Variants in C16orf96 observed in about 807,000 individuals in gnomAD.
C16orf96 encodes the protein uncharacterized protein C16orf96.
In C16orf96, 108 loss-of-function variants were observed where a neutral mutation model predicts 103.6. The observed-to-expected ratio is 1.04, with a 90% CI of 0.89 to 1.22. The LOEUF (loss-of-function observed/expected upper bound fraction) is 1.22. Ranked by LOEUF, C16orf96 falls within the 50% of genes most tolerant of loss-of-function variation. The pLI is 0.00. For synonymous variants in C16orf96, 566 were observed against 593.5 expected, an observed-to-expected ratio of 0.95 and a Z score of 0.67; for missense variants, 1,586 against 1,464.2, an observed-to-expected ratio of 1.08 and a Z score of -1.36.
Position 4,575,009 on chromosome 16 carries a change from C to T in C16orf96, c.644C>T (p.Thr215Ile). Residue 215 changes from threonine (T) to isoleucine (I), a missense_variant, in exon 4 of 16, where the codon ACC becomes ATC. Coordinates refer to ENST00000444310, the MANE Select transcript of C16orf96 (RefSeq NM_001145011.2). ...AATAAGTTTAAAACCATCCCCAAAA[C>T]CGAGGACATGGTGCTCTGGAGTGGC... ...LQNKFKTIPK[T>I]EDMVLWSGLH... 1.3e-6 allele frequency: 2 copies of T among 1,551,512 alleles called. No homozygotes were observed. The highest frequency in any genetic ancestry group is 1.7e-6 in the Non-Finnish European group (2 of 1,147,012).
intron 14 of C16orf96, among the ~76,000 whole-genome samples, chr16:4,598,346 G>A (rs1355400088): frequency 7.4e-6 from 1 of 134,234 alleles, no homozygotes; most frequent in African/African-American, 2.5e-5. Flanking sequence ...ATGAGACTTG[G>A]TCTCAAACAA....
chr16:4,587,330 C>G (rs561980875), intron 8 of C16orf96, among the ~76,000 whole-genome samples: 1 of 152,100 alleles, frequency 6.6e-6, no homozygotes, highest in African/African-American at 2.4e-5. Context: ...TCGAGACCAG[C>G]CTGCCTGGCC....
chr16:4,579,205 G>GC (rs1165861841), intron 6 of C16orf96, among the ~76,000 whole-genome samples, 180 bp downstream of exon 6: 3 of 2,448 alleles, frequency 1.2e-3, no homozygotes, highest in African/African-American at 1.3e-3. Context: ...CTGGTGCGGT[G>GC]GGGGGGCCCA....
At chr16:4,592,941 C>T (rs1897092225) in intron 11 of C16orf96, among the ~76,000 whole-genome samples, 1 of 152,232 alleles carries the variant, frequency 6.6e-6, no homozygotes, top group Non-Finnish European at 1.5e-5. Flanking sequence ...TCCCAAAGTG[C>T]TGGGATCATA....
At chr16:4,595,238 C>A (rs188478967) in intron 14 of C16orf96, among the ~76,000 whole-genome samples, 1 of 152,232 alleles carries the variant, frequency 6.6e-6, no homozygotes, top group East Asian at 1.9e-4. Flanking sequence ...ACGGTGGGTG[C>A]AAAGGCCCTG....
At position 4,575,834 on chromosome 16, in the gene C16orf96, G is replaced by C. The variant is rs573127060; in HGVS notation, c.1354G>C (p.Ala452Pro). 375 of 1,551,232 alleles carry C rather than the reference G, an allele frequency of 2.4e-4. 3 individuals carry two copies. In the South Asian group the frequency reaches 3.7e-3, roughly 15 times the overall value. The part of the protein sequence containing the change: ...QSRQGEALQL[A>P]AVQVKGEEND... ...TCGCCAGGGAGAAGCCCTCCAGCTC[G>C]CAGCTGTCCAAGTAAAGGGGGAGGA... Residue 452 changes from alanine to proline, a missense_variant, in exon 5 of 16, where the codon GCA becomes CCA. Coordinates refer to ENST00000444310, the MANE Select transcript of C16orf96 (RefSeq NM_001145011.2).
At chr16:4,568,785 C>T (rs1227699248) in intron 1 of C16orf96, among the ~76,000 whole-genome samples, 2 of 151,292 alleles carry the variant, frequency 1.3e-5, no homozygotes, top group East Asian at 1.9e-4. Context: ...TGCACCACCA[C>T]GCCTGTCTAA....
intron 7 of C16orf96, among the ~76,000 whole-genome samples, chr16:4,586,272 CA>C (rs1351628374): frequency 1.3e-5 from 2 of 152,132 alleles, no homozygotes; most frequent in Non-Finnish European, 2.9e-5. Context: ...CAAAACAAAA[CA>C]AAACATGTTA....
chr16:4,545,266 G>A, the C16orf96 span, among the ~76,000 whole-genome samples: 6 of 152,164 alleles, frequency 3.9e-5, no homozygotes, highest in Non-Finnish European at 7.3e-5. Context: ...GAGTGCAGTG[G>A]CGCGATGATA....
At chr16:4,546,544 A>G in the C16orf96 span, among the ~76,000 whole-genome samples, 1 of 146,536 alleles carries the variant, frequency 6.8e-6, no homozygotes, top group African/African-American at 2.5e-5. Context: ...GGCTCACTGC[A>G]GCCTCGACCT....
At chr16:4,552,047 A>T (rs2059231062), upstream of C16orf96, among the ~76,000 whole-genome samples, 1 of 152,052 alleles carries the variant, frequency 6.6e-6, no homozygotes, top group South Asian at 2.1e-4. Flanking sequence ...TTTGCTGAGG[A>T]TGATAGTTTA....
At chr16:4,592,543 C>G (rs1396879674) in intron 11 of C16orf96, among the ~76,000 whole-genome samples, 176 bp downstream of exon 11, 1 of 151,924 alleles carries the variant, frequency 6.6e-6, no homozygotes, top group Non-Finnish European at 1.5e-5. Context: ...TCTCTATGCA[C>G]CAGGTATCTA....
In C16orf96 at chr16:4,575,511, T is replaced by TGGAGCC. The variant is rs1567445753; in HGVS notation, c.1032_1037dup (p.Glu345_Pro346dup). On this transcript the variant is annotated inframe_insertion, in exon 5 of 16. Transcript: ENST00000444310. The stretch of plus-strand genomic sequence containing the variant: ...CCAGGACTGGAGCTGGGGCTGGAGC[T>TGGAGCC]GGAGCCTGTGCCTGCCCTGGGGCCT... 1 of 1,546,620 alleles carries TGGAGCC rather than the reference T, an allele frequency of 6.5e-7. No individual in the cohort carries two copies. Among genetic ancestry groups the TGGAGCC allele is most frequent in the South Asian group, 1.2e-5 (1 of 83,972 alleles).
rs906200423 is a variant in C16orf96 at position 4,588,161 on chromosome 16, C to T, written c.2428-6C>T. The T allele has an allele frequency of 1.3e-6, 2 of 1,550,206 alleles. No homozygotes were observed. Among genetic ancestry groups the T allele is most frequent in the Admixed American group, 3.9e-5 (2 of 50,956 alleles). On this transcript the variant is annotated splice_region_variant and splice_polypyrimidine_tract_variant and intron_variant, in intron 8 of 15. Coordinates refer to ENST00000444310, the MANE Select transcript of C16orf96 (RefSeq NM_001145011.2). ...CCATGCCTCCCTGAACTCCCTGTCT[C>T]CCTAGAAAGCTGACAGGAGTGCCCT...
upstream of C16orf96, among the ~76,000 whole-genome samples, chr16:4,551,396 A>G (rs559889163): frequency 2.0e-5 from 3 of 152,296 alleles, no homozygotes; most frequent in African/African-American, 7.2e-5. Flanking sequence ...ACCCAAGGAT[A>G]ACCACTCGCC....
intron 1 of C16orf96, among the ~76,000 whole-genome samples, chr16:4,567,271 A>ATTTCT (rs1292667959): frequency 7.3e-5 from 9 of 122,528 alleles, no homozygotes; most frequent in African/African-American, 2.7e-4. Context: ...TCTTTGACAT[A>ATTTCT]TTTCTTTTCT....
intron 7 of C16orf96, among the ~76,000 whole-genome samples, chr16:4,586,423 C>T (rs541876647): frequency 4.6e-5 from 7 of 152,302 alleles, no homozygotes; most frequent in Non-Finnish European, 8.8e-5. Context: ...GCGGGACACC[C>T]GACAGGAAGA....
At position 4,593,296 on chromosome 16, in the gene C16orf96, C is replaced by A; in HGVS notation, c.2847C>A (p.Tyr949Ter). ...LRPASANSCE[Y>*]LQRQQMREQQ... is the part of the protein sequence containing the mutation. ...CAGCCAGCGCCAACAGCTGCGAGTA[C>A]TTGCAGCGGCAACAGATGAGGTGAG... Residue 949 changes from tyrosine to a stop codon, truncating the protein, a stop_gained, in exon 12 of 16, where the codon TAC (tyrosine) becomes TAA (stop). Coordinates refer to ENST00000444310, the MANE Select transcript of C16orf96 (RefSeq NM_001145011.2). LOFTEE classifies it high-confidence loss of function. This position sits in a 1 kb window ranked among gnomAD's most constrained non-coding sequence, Gnocchi z 4.2. 1 of 1,550,928 alleles carries A rather than the reference C, an allele frequency of 6.4e-7. No homozygotes were observed. Among genetic ancestry groups the A allele is most frequent in the Non-Finnish European group, 8.7e-7 (1 of 1,146,866 alleles).
At chr16:4,557,303 C>T (rs1162876244) in intron 1 of C16orf96, among the ~76,000 whole-genome samples, 10 of 152,132 alleles carry the variant, frequency 6.6e-5, no homozygotes, top group Non-Finnish European at 1.3e-4. Context: ...TACTCACCTA[C>T]GATGGGCCAT....
Sources: allele counts gnomAD v4.1 joint callset (sites outside exome capture counted in the v4.1 genomes callset), GRCh38; gene constraint gnomAD v4.1.1; non-coding constraint Gnocchi (gnomAD v3.1); transcripts MANE v1.5; gene names NCBI Gene and HGNC (gene_info 2026-07-23, HGNC 2026-07-21).